Variants in SLIT2 observed in about 807,000 individuals in gnomAD.
SLIT2 encodes slit guidance ligand 2, also known as slit homolog 2 protein.
Under a neutral mutation model 185.7 loss-of-function variants are expected in SLIT2, and 41 were observed. The observed-to-expected ratio is 0.22, with a 90% CI of 0.17 to 0.29. SLIT2 has a LOEUF of 0.29. SLIT2 is among the 10% of genes least tolerant of loss of function. The probability of loss-of-function intolerance (pLI) is 1.00; values close to 1 mark genes in which losing one functional copy is unlikely to be tolerated. For missense variants in SLIT2, 1,571 were observed against 1,909.0 expected (o/e 0.82, Z 3.30); for synonymous variants, 693 against 680.2 (o/e 1.02, Z -0.29).
intron 33 of SLIT2, among the ~76,000 whole-genome samples, chr4:20,599,220 C>A (rs895479644): frequency 2.6e-5 from 4 of 152,054 alleles, no homozygotes; most frequent in African/African-American, 9.7e-5. Context: ...ATACTGGAGA[C>A]GTGAAATGGG....
rs557794654 is a variant in SLIT2 at position 20,473,256 on chromosome 4, A to G, written c.467+5433A>G. 8.9e-4 allele frequency among the ~76,000 whole-genome samples: 135 copies of G among 152,022 alleles called. 2 individuals carry two copies. Among genetic ancestry groups the G allele is most frequent in the African/African-American group, 3.1e-3 (130 of 41,512 alleles). On this transcript the variant is annotated intron_variant, in intron 5 of 36. Coordinates refer to ENST00000504154, the MANE Select transcript of SLIT2 (RefSeq NM_004787.4). ...CAATTCCATTAACCCTATGTCTGTC[A>G]TGAGTCTTATAATCCTTTTCCAGGA...
At chr4:20,475,266 A>G (rs1191913102) in intron 5 of SLIT2, among the ~76,000 whole-genome samples, 3 of 143,372 alleles carry the variant, frequency 2.1e-5, no homozygotes, top group African/African-American at 7.8e-5. Context: ...TACCCACTTT[A>G]TTTTCTGTCT....
chr4:20,301,465 C>T (rs1475638660), intron 4 of SLIT2, among the ~76,000 whole-genome samples: 1 of 152,072 alleles, frequency 6.6e-6, no homozygotes, highest in Non-Finnish European at 1.5e-5. Context: ...TGTCATTTTG[C>T]ACCAATGGCC....
At chr4:20,273,727 G>A (rs2109039427) in intron 4 of SLIT2, among the ~76,000 whole-genome samples, 1 of 152,266 alleles carries the variant, frequency 6.6e-6, no homozygotes, top group African/African-American at 2.4e-5. Flanking sequence ...CTAGTTCTTG[G>A]ATGTCAGTTT....
chr4:20,411,577 T>C (rs1727261813), intron 4 of SLIT2, among the ~76,000 whole-genome samples: 1 of 152,222 alleles, frequency 6.6e-6, no homozygotes, highest in South Asian at 2.1e-4. Flanking sequence ...ATATTCATTT[T>C]ATAGTCAAAG....
chr4:20,472,280 A>C (rs1446525164), intron 5 of SLIT2, among the ~76,000 whole-genome samples: 2 of 28,938 alleles, frequency 6.9e-5, no homozygotes, highest in South Asian at 1.5e-3. Flanking sequence ...ATATATCTAT[A>C]TATATAGATA....
chr4:20,279,642 A>G (rs1215757163), intron 4 of SLIT2, among the ~76,000 whole-genome samples: 1 of 152,192 alleles, frequency 6.6e-6, no homozygotes, highest in African/African-American at 2.4e-5. Context: ...TCCTTGTGTA[A>G]AATGAGGATA....
chr4:20,549,515 G>A lies in SLIT2; in HGVS notation c.2489+387G>A, dbSNP rs1204768654. Among the ~76,000 whole-genome samples, 3 of 152,018 alleles carry A rather than the reference G, an allele frequency of 2.0e-5. No homozygotes were observed. In the East Asian group the frequency reaches 5.8e-4, roughly 29 times the overall value. Reference sequence around the variant, plus strand: ...TACTGTGAAATGTCCTTTAAAATATGTGAAATAAAACATGATCCTTGATCC... The same window carrying A: ...TACTGTGAAATGTCCTTTAAAATATATGAAATAAAACATGATCCTTGATCC... On this transcript the variant is annotated intron_variant, in intron 24 of 36. Coordinates refer to ENST00000504154, the MANE Select transcript of SLIT2 (RefSeq NM_004787.4).
intron 4 of SLIT2, among the ~76,000 whole-genome samples, chr4:20,272,265 G>A (rs1170325327): frequency 7.7e-6 from 1 of 130,468 alleles, no homozygotes; most frequent in Non-Finnish European, 1.6e-5. Context: ...ACGATAGGTT[G>A]GAGGTTAAAA....
chr4:20,573,406 AG>A, intron 29 of SLIT2: 2 of 664,926 alleles, frequency 3.0e-6, no homozygotes, highest in Non-Finnish European at 5.5e-6. Context: ...TCAGTCATTC[AG>A]ATGTTTAATC....
chr4:20,402,165 C>T (rs566504271), intron 4 of SLIT2, among the ~76,000 whole-genome samples: 4 of 151,684 alleles, frequency 2.6e-5, no homozygotes, highest in Admixed American at 6.6e-5. Context: ...AGCATGAATA[C>T]GTACCATGCT....
At chr4:20,472,466 C>CTATATAGATATATATCTATA (rs1715436481) in intron 5 of SLIT2, among the ~76,000 whole-genome samples, 1 of 26,680 alleles carries the variant, frequency 3.7e-5, no homozygotes, top group Non-Finnish European at 6.3e-5. Context: ...ATATCTATAT[C>CTATATAGATATATATCTATA]TATATATAGA....
chr4:20,472,268 A>ATATATATATCTATATATATC (rs1553908277), intron 5 of SLIT2, among the ~76,000 whole-genome samples: 1 of 38,784 alleles, frequency 2.6e-5, no homozygotes, highest in African/African-American at 1.4e-4. Context: ...CTATATATAG[A>ATATATATATCTATATATATC]TATATATCTA....
At chr4:20,504,584 A>G (rs1055320797) in intron 9 of SLIT2, among the ~76,000 whole-genome samples, 25 of 152,160 alleles carry the variant, frequency 1.6e-4, no homozygotes, top group African/African-American at 5.8e-4. Flanking sequence ...GTATGTGTGT[A>G]TGTGTTTATT....
At position 20,589,651 on chromosome 4, in the gene SLIT2, G is replaced by A. The variant is rs774645660; in HGVS notation, c.3096G>A (p.Leu1032=). The part of the protein sequence containing the change: ...CLCPPEYTGE[L]CEEKLDFCAQ... Reference sequence around the variant, plus strand: ...CTGTTTGCCCTGTTGCAGGTGAGTTGTGTGAGGAGAAGCTGGACTTCTGTG... The same window carrying A: ...CTGTTTGCCCTGTTGCAGGTGAGTTATGTGAGGAGAAGCTGGACTTCTGTG... Residue 1032 remains leucine (L), a synonymous_variant, in exon 30 of 37, where the codon TTG becomes TTA. Coordinates refer to ENST00000504154, the MANE Select transcript of SLIT2 (RefSeq NM_004787.4). 6.2e-7 allele frequency: 1 copy of A among 1,613,726 alleles called. No individual in the cohort carries two copies. The highest frequency in any genetic ancestry group is 8.5e-7 in the Non-Finnish European group (1 of 1,179,758).
intron 4 of SLIT2, among the ~76,000 whole-genome samples, chr4:20,276,979 G>C (rs1196216306): frequency 6.6e-6 from 1 of 152,168 alleles, no homozygotes; most frequent in Non-Finnish European, 1.5e-5. Context: ...CTAGGTCACT[G>C]GGCGATGGGA....
In SLIT2 at chr4:20,488,961, A is replaced by C; in HGVS notation, c.754A>C (p.Lys252Gln). ...LRGHNVAEVQ[K>Q]REFVCSGHQS... Reference sequence around the variant, plus strand: ...AGGCCATAATGTAGCCGAGGTTCAAAAACGAGAATTTGTCTGCAGTGGTAA... The same window carrying C: ...AGGCCATAATGTAGCCGAGGTTCAACAACGAGAATTTGTCTGCAGTGGTAA... Residue 252 changes from lysine (K) to glutamine (Q), a missense_variant, in exon 8 of 37, where the codon AAA becomes CAA. Physicochemically the swap from Lys to Gln is moderately conservative, Grantham distance 53. Around this residue, in one of 3 missense-constraint regions of SLIT2, gnomAD observed 1,202 missense variants for 1,416.4 expected, o/e 0.85. Transcript: ENST00000504154. 1 of 1,611,444 alleles carries C rather than the reference A, an allele frequency of 6.2e-7. No homozygotes were observed. The highest frequency in any genetic ancestry group is 8.5e-7 in the Non-Finnish European group (1 of 1,177,914).
At chr4:20,311,620 A>G (rs1427909919) in intron 4 of SLIT2, among the ~76,000 whole-genome samples, 1 of 152,200 alleles carries the variant, frequency 6.6e-6, no homozygotes, top group African/African-American at 2.4e-5. Flanking sequence ...TCTTAAGAAT[A>G]AGAACATTTT....
intron 4 of SLIT2, among the ~76,000 whole-genome samples, chr4:20,339,105 A>G (rs950916236): frequency 1.3e-5 from 2 of 151,582 alleles, no homozygotes; most frequent in African/African-American, 4.8e-5. Flanking sequence ...AAAAAAAAAA[A>G]AAAAAAAGAA....
Sources: allele counts gnomAD v4.1 joint callset (sites outside exome capture counted in the v4.1 genomes callset), GRCh38; gene constraint gnomAD v4.1.1; regional missense constraint gnomAD v4.1.1; transcripts MANE v1.5; gene names NCBI Gene and HGNC (gene_info 2026-07-23, HGNC 2026-07-21).